ZNF577: variants seen among roughly 807,000 people sequenced by gnomAD.
ZNF577 encodes the protein zinc finger protein 577.
A neutral mutation model predicts 13.9 loss-of-function variants in ZNF577; 14 were observed. The observed-to-expected ratio is 1.00, with a 90% CI of 0.66 to 1.57. The LOEUF (loss-of-function observed/expected upper bound fraction) is 1.57. Among genes scored for constraint, ZNF577 ranks in the 40% most tolerant of loss-of-function variants. The pLI, the probability that ZNF577 is intolerant of heterozygous loss-of-function variation, is 0.00. For missense variants in ZNF577, 555 were observed against 579.2 expected (o/e 0.96, Z 0.43); for synonymous variants, 203 against 202.9 (o/e 1.00, Z 0.00).
At position 51,868,862 on chromosome 19, in the gene ZNF577, C is replaced by T. The variant is rs1011439952; in HGVS notation, c.*3670G>A. Among the ~76,000 whole-genome samples the T allele has an allele frequency of 6.6e-6, 1 of 152,218 alleles. No homozygotes were observed. Among genetic ancestry groups the T allele is most frequent in the South Asian group, 2.1e-4 (1 of 4,834 alleles). ...AGCCTCAACCCTGTGCTCGCAGAAA[C>T]ATGTGCTGTGTTGACTCAAGGTTTA... On this transcript the variant is annotated 3_prime_UTR_variant, in exon 6 of 6. Transcript: ENST00000638348.
At chr19:51,854,362 CTT>C (rs1014438692) in intron 5 of ZNF577, among the ~76,000 whole-genome samples, 10 of 151,582 alleles carry the variant, frequency 6.6e-5, no homozygotes, top group South Asian at 2.1e-4. Context: ...GGATCTCACT[CTT>C]GTCACTGCAG....
At chr19:51,846,404 T>C (rs2084351746) in intron 5 of ZNF577, among the ~76,000 whole-genome samples, 1 of 152,114 alleles carries the variant, frequency 6.6e-6, no homozygotes, top group Non-Finnish European at 1.5e-5. Flanking sequence ...ATGGAATTAG[T>C]GACCTTAAAA....
chr19:51,868,425 C>T lies in ZNF577; in HGVS notation c.*4107G>A, dbSNP rs7251040. ...ATGGGATCCATCTGGCCCATGAGAGCAGGAAGAACAAGGGCAAACATGTCC... is the reference window on the plus strand; with the variant it reads ...ATGGGATCCATCTGGCCCATGAGAGTAGGAAGAACAAGGGCAAACATGTCC... On this transcript the variant is annotated 3_prime_UTR_variant, in exon 6 of 6. Transcript: ENST00000638348. 0.031 allele frequency among the ~76,000 whole-genome samples: 4,643 copies of T among 152,204 alleles called. 219 individuals carry two copies. Among genetic ancestry groups the T allele is most frequent in the African/African-American group, 0.11 (4,412 of 41,506 alleles).
At chr19:51,857,370 GAAAGAAAGAAA>G (rs2084438491) in intron 5 of ZNF577, among the ~76,000 whole-genome samples, 6 of 57,866 alleles carry the variant, frequency 1.0e-4, no homozygotes, top group East Asian at 4.2e-4. Context: ...AGGAAGGAAA[GAAAGAAAGAAA>G]GAAAGAAAGA....
Position 51,879,555 on chromosome 19 carries a change from G to T in ZNF577, c.60+768C>A, listed in dbSNP as rs1050614503. The stretch of plus-strand genomic sequence containing the variant: ...CTGCACTCCAGCTCTGGGCGACACA[G>T]CAAGACTCCAACTTGGGGGGAGAAA... On this transcript the variant is annotated intron_variant, in intron 3 of 5. Transcript: ENST00000638348. Among the ~76,000 whole-genome samples, 6 of 152,244 alleles carry T rather than the reference G, an allele frequency of 3.9e-5. No individual in the cohort carries two copies. In the South Asian group the frequency reaches 1.2e-3, roughly 32 times the overall value.
chr19:51,864,245 C>CT, downstream of ZNF577, among the ~76,000 whole-genome samples: 1 of 152,058 alleles, frequency 6.6e-6, no homozygotes, highest in South Asian at 2.1e-4. Flanking sequence ...TAAGATTTAC[C>CT]TTTTTATATG....
At position 51,873,016 on chromosome 19, in the gene ZNF577, G is replaced by C. The variant is rs777535876; in HGVS notation, c.974C>G (p.Pro325Arg). 1.2e-6 allele frequency: 2 copies of C among 1,614,190 alleles called. No homozygotes were observed. Among genetic ancestry groups the C allele is most frequent in the Non-Finnish European group, 1.7e-6 (2 of 1,180,044 alleles). ...TTTTTCACACTCACTACATTCATAAGGTTTCTCTCCCGTATGAATCCTCTG... is the reference window on the plus strand; with the variant it reads ...TTTTTCACACTCACTACATTCATAACGTTTCTCTCCCGTATGAATCCTCTG... ...RHQRIHTGEK[P>R]YECSECEKAF... is the part of the protein sequence containing the mutation. Residue 325 changes from proline to arginine, a missense_variant, in exon 6 of 6, where the codon CCT (proline) becomes CGT (arginine). By Grantham distance (103) the Pro-to-Arg change is moderately radical. Coordinates refer to ENST00000638348, the MANE Select transcript of ZNF577 (RefSeq NM_001370449.1).
rs187237755 is a variant in ZNF577 at position 51,878,694 on chromosome 19, T to C, written c.61-179A>G. On this transcript the variant is annotated intron_variant, in intron 3 of 5. Coordinates refer to ENST00000638348, the MANE Select transcript of ZNF577 (RefSeq NM_001370449.1). ...GCCTACCCTAAAAGCACGAAGGCAGTACTAGCATAGATATGAAACAACATG... is the reference window on the plus strand; with the variant it reads ...GCCTACCCTAAAAGCACGAAGGCAGCACTAGCATAGATATGAAACAACATG... The C allele has an allele frequency of 3.1e-4, 184 of 590,882 alleles. 1 individual carries two copies. The Admixed American group carries it at 5.0e-3, about 16-fold the overall frequency. 36.6% of individuals were successfully genotyped at this position (590,882 alleles called of 1,614,324 possible).
chr19:51,875,383 A>G (rs560312021), intron 5 of ZNF577, among the ~76,000 whole-genome samples: 166 of 148,300 alleles, frequency 1.1e-3, no homozygotes, highest in Non-Finnish European at 1.6e-3. Flanking sequence ...AAAAAAAAAA[A>G]AGAGAGAGCT....
intron 1 of ZNF577, among the ~76,000 whole-genome samples, chr19:51,882,628 T>C (rs1008343984): frequency 4.6e-5 from 7 of 151,284 alleles, no homozygotes; most frequent in African/African-American, 1.7e-4. Context: ...CAAAAAAAAA[T>C]TAAAAATTTG....
intron 5 of ZNF577, among the ~76,000 whole-genome samples, chr19:51,850,247 G>C (rs1235974732): frequency 6.6e-6 from 1 of 152,196 alleles, no homozygotes; most frequent in Non-Finnish European, 1.5e-5. Flanking sequence ...GGCCATGCCA[G>C]ATATGCTAAC....
At chr19:51,832,529 A>G (rs930125179) in intron 9 of ZNF577, among the ~76,000 whole-genome samples, 2 of 151,970 alleles carry the variant, frequency 1.3e-5, no homozygotes, top group Non-Finnish European at 2.9e-5. Context: ...CTAATCAACC[A>G]TAAAAATTTT....
intron 1 of ZNF577, among the ~76,000 whole-genome samples, chr19:51,883,695 G>T (rs2084899555): frequency 6.6e-6 from 1 of 152,084 alleles, no homozygotes; most frequent in Admixed American, 6.6e-5. Flanking sequence ...CACATCATTT[G>T]GATCATGATT....
Position 51,824,790 on chromosome 19 carries a change from A to T in ZNF577, c.*600-13116T>A, listed in dbSNP as rs2084219831. ...CACTTCTGCTTCACCTCCTGAGGAG[A>T]CGGAGTTACAAGCAATGTGAGGTCG... On this transcript the variant is annotated intron_variant and NMD_transcript_variant, in intron 9 of 10. Transcript: ENST00000638827. The surrounding 1 kb of genome is among the most constrained non-coding windows in gnomAD (Gnocchi z 4.7). 1.2e-6 allele frequency: 2 copies of T among 1,612,280 alleles called. No homozygotes were observed. Among genetic ancestry groups the T allele is most frequent in the East Asian group, 4.5e-5 (2 of 44,728 alleles).
chr19:51,871,524 A>T lies in ZNF577; in HGVS notation c.*1008T>A, dbSNP rs779778369. On this transcript the variant is annotated 3_prime_UTR_variant, in exon 6 of 6. Coordinates refer to ENST00000638348, the MANE Select transcript of ZNF577 (RefSeq NM_001370449.1). ...TTTGGACATTTAGGAGTTATTTTCC[A>T]GTGCTGATGTGATTTTAACATTTCA... 2 of 152,210 alleles carry T rather than the reference A, an allele frequency of 1.3e-5. No homozygotes were observed. The highest frequency in any genetic ancestry group is 2.9e-5 in the Non-Finnish European group (2 of 68,042). 9.4% of individuals were successfully genotyped at this position (152,210 alleles called of 1,614,324 possible). A position where few individuals can be genotyped will look rare whatever the true frequency, so the allele number is the denominator to read the frequency against.
intron 1 of ZNF577, among the ~76,000 whole-genome samples, chr19:51,884,147 CACACCCGTA>C (rs2084906893): frequency 6.6e-6 from 1 of 151,540 alleles, no homozygotes; most frequent in Non-Finnish European, 1.5e-5. Flanking sequence ...TGAAGTGGCT[CACACCCGTA>C]ATCCTAGCAC....
intron 9 of ZNF577, among the ~76,000 whole-genome samples, chr19:51,822,025 A>G (rs2084193680): frequency 6.6e-6 from 1 of 152,210 alleles, no homozygotes; most frequent in African/African-American, 2.4e-5. Context: ...CATTTTAACA[A>G]ATACCTTGGA....
intron 4 of ZNF577, 141 bp from the exon 5 acceptor site, chr19:51,877,518 T>G: frequency 1.5e-6 from 1 of 648,736 alleles, no homozygotes; most frequent in Non-Finnish European, 2.7e-6. Context: ...CACAACCACT[T>G]CGTGCCAGGG....
At chr19:51,857,871 G>C (rs866036381) in intron 5 of ZNF577, among the ~76,000 whole-genome samples, 1 of 152,014 alleles carries the variant, frequency 6.6e-6, no homozygotes, top group Non-Finnish European at 1.5e-5. Flanking sequence ...ATGGAGTCTC[G>C]TTACGTTGCC....
Sources: gnomAD v4.1 joint callset for allele counts (sites outside exome capture counted in the v4.1 genomes callset) on GRCh38, gnomAD v4.1.1 for gene constraint, Gnocchi (gnomAD v3.1) non-coding constraint, MANE v1.5 for transcripts, NCBI Gene and HGNC (gene_info 2026-07-23, HGNC 2026-07-21) for gene names.